Variants in MAGI2 observed in about 807,000 individuals in gnomAD.
MAGI2 encodes membrane associated guanylate kinase, WW and PDZ domain containing 2, also known as membrane-associated guanylate kinase, WW and PDZ domain-containing protein 2.
In MAGI2, 35 loss-of-function variants were observed where a neutral mutation model predicts 133.3. The observed-to-expected ratio is 0.26, with a 90% CI of 0.20 to 0.35. The LOEUF is 0.35. Ranked by LOEUF, MAGI2 falls within the 10% of genes least tolerant of loss-of-function variation. The pLI is 1.00. For missense variants in MAGI2, 1,636 were observed against 1,863.4 expected (o/e 0.88, Z 2.25); for synonymous variants, 729 against 710.6 (o/e 1.03, Z -0.41).
At chr7:78,377,911 GA>G (rs1386668524) in intron 6 of MAGI2, among the ~76,000 whole-genome samples, 1 of 149,822 alleles carries the variant, frequency 6.7e-6, no homozygotes, top group Admixed American at 6.7e-5. Context: ...TTCAGCTAAT[GA>G]AAATTTCTCT....
At chr7:78,625,434 C>T (rs528241489) in intron 3 of MAGI2, among the ~76,000 whole-genome samples, 29 of 151,174 alleles carry the variant, frequency 1.9e-4, no homozygotes, top group African/African-American at 6.8e-4. Context: ...GTGTTTTAAA[C>T]CCAGTGTGAT....
chr7:78,418,148 C>T (rs1037608126), intron 6 of MAGI2, among the ~76,000 whole-genome samples: 4 of 152,080 alleles, frequency 2.6e-5, no homozygotes, highest in Admixed American at 6.6e-5. Context: ...AGTGAGAGCT[C>T]ATCTCTAAAA....
intron 3 of MAGI2, among the ~76,000 whole-genome samples, chr7:78,585,808 G>T (rs927233614): frequency 6.6e-6 from 1 of 152,196 alleles, no homozygotes; most frequent in Admixed American, 6.5e-5. Context: ...GGAACTGAGA[G>T]GGTGGGGTTA....
intron 1 of MAGI2, among the ~76,000 whole-genome samples, chr7:79,085,595 T>G (rs1182478563): frequency 1.3e-5 from 2 of 151,964 alleles, no homozygotes; most frequent in Admixed American, 1.3e-4. Flanking sequence ...CAAAATAATA[T>G]AATGCACCAA....
intron 2 of MAGI2, among the ~76,000 whole-genome samples, chr7:78,628,325 A>C (rs1225215610): frequency 1.3e-5 from 2 of 152,208 alleles, no homozygotes; most frequent in Non-Finnish European, 2.9e-5. Context: ...AAGGTAGTAC[A>C]TTGGCAGGCT....
At chr7:78,129,960 A>AG (rs1821398273) in intron 18 of MAGI2, among the ~76,000 whole-genome samples, 3 of 148,046 alleles carry the variant, frequency 2.0e-5, no homozygotes, top group African/African-American at 7.4e-5. Flanking sequence ...AAAAAAAAAA[A>AG]GAATCACTTC....
chr7:78,650,120 T>A (rs1811387880), intron 2 of MAGI2, among the ~76,000 whole-genome samples: 1 of 152,150 alleles, frequency 6.6e-6, no homozygotes. Context: ...AAAACGGTTT[T>A]CTTTTTTCTA....
At chr7:78,883,252 A>G (rs947417153) in intron 2 of MAGI2, among the ~76,000 whole-genome samples, 3 of 152,032 alleles carry the variant, frequency 2.0e-5, no homozygotes, top group African/African-American at 7.2e-5. Context: ...CATTTGTAAT[A>G]GACACACACA....
At chr7:78,481,733 C>T (rs73150359) in intron 6 of MAGI2, among the ~76,000 whole-genome samples, 58 of 151,072 alleles carry the variant, frequency 3.8e-4, no homozygotes, top group African/African-American at 1.3e-3. Flanking sequence ...GAACCTTAAC[C>T]TAACTCTTAT....
chr7:79,173,787 T>C (rs769692000), intron 1 of MAGI2, among the ~76,000 whole-genome samples: 3 of 152,074 alleles, frequency 2.0e-5, no homozygotes, highest in Non-Finnish European at 2.9e-5. Flanking sequence ...GCTGAAGTCA[T>C]TAAAACATTA....
At chr7:78,458,021 G>A (rs557869430) in intron 6 of MAGI2, among the ~76,000 whole-genome samples, 23 of 152,168 alleles carry the variant, frequency 1.5e-4, no homozygotes, top group African/African-American at 5.3e-4. Context: ...GAGTAGGCTG[G>A]GCGTGGTGGC....
intron 5 of MAGI2, among the ~76,000 whole-genome samples, chr7:78,494,763 A>T (rs1563081201): frequency 6.6e-6 from 1 of 152,220 alleles, no homozygotes; most frequent in Admixed American, 6.5e-5. Context: ...ATTATTAAAC[A>T]CATTCCTTTC....
chr7:78,548,632 T>C (rs998346753), intron 3 of MAGI2, among the ~76,000 whole-genome samples: 2 of 151,820 alleles, frequency 1.3e-5, no homozygotes, highest in African/African-American at 4.8e-5. Flanking sequence ...GAGGTGGAGG[T>C]TGTAGTGAGC....
intron 21 of MAGI2, among the ~76,000 whole-genome samples, chr7:78,066,900 G>A (rs922509370): frequency 2.0e-5 from 3 of 152,160 alleles, no homozygotes; most frequent in Non-Finnish European, 4.4e-5. Context: ...GATTCTCCCC[G>A]TCTGCATGCC....
chr7:78,896,431 G>T (rs1431538006), intron 2 of MAGI2, among the ~76,000 whole-genome samples: 1 of 151,500 alleles, frequency 6.6e-6, no homozygotes, highest in Non-Finnish European at 1.5e-5. Context: ...GCTCCTCATT[G>T]TAAAATAATA....
At chr7:79,291,116 T>A (rs1228935231) in intron 1 of MAGI2, among the ~76,000 whole-genome samples, 1 of 152,126 alleles carries the variant, frequency 6.6e-6, no homozygotes, top group Admixed American at 6.5e-5. Flanking sequence ...TAATGTACTT[T>A]TTGTCTCTGT....
intron 1 of MAGI2, among the ~76,000 whole-genome samples, chr7:79,132,423 T>C (rs1821016102): frequency 6.6e-6 from 1 of 152,138 alleles, no homozygotes; most frequent in Admixed American, 6.5e-5. Flanking sequence ...CTACTTCACT[T>C]AGAATAATGG....
intron 1 of MAGI2, among the ~76,000 whole-genome samples, chr7:79,403,693 G>A (rs544145847): frequency 4.6e-5 from 7 of 152,024 alleles, no homozygotes; most frequent in Non-Finnish European, 8.8e-5. Context: ...TTCTACTTCC[G>A]AAGCCACACA....
chr7:78,361,846 C>T (rs62461494), intron 7 of MAGI2, among the ~76,000 whole-genome samples: 41,339 of 152,030 alleles, frequency 0.27, 6,264 homozygotes, highest in East Asian at 0.57. Context: ...GTCGATTCTG[C>T]TAGAATGAGC....
Sources: allele counts gnomAD v4.1 joint callset (sites outside exome capture counted in the v4.1 genomes callset), GRCh38; gene constraint gnomAD v4.1.1; transcripts MANE v1.5; gene names NCBI Gene and HGNC (gene_info 2026-07-23, HGNC 2026-07-21).